Variants in CCNF observed in about 807,000 individuals in gnomAD.
CCNF encodes the protein cyclin F, also known as cyclin-F.
In CCNF, 30 loss-of-function variants were observed where a neutral mutation model predicts 85.4. That is an observed-to-expected ratio of 0.35 (90% CI 0.26 to 0.48). The LOEUF is 0.48. CCNF is among the 20% of genes least tolerant of loss of function. The pLI is 0.99. For synonymous variants in CCNF, 439 were observed against 425.1 expected, an observed-to-expected ratio of 1.03 and a Z score of -0.40; for missense variants, 919 against 1,010.4, an observed-to-expected ratio of 0.91 and a Z score of 1.23.
At chr16:2,445,733 T>TTTTC in intron 10 of CCNF, 111 bp downstream of exon 10, 1 of 1,071,956 alleles carries the variant, frequency 9.3e-7, no homozygotes, top group Non-Finnish European at 1.3e-6. Context: ...TGTGTTGTTT[T>TTTTC]TTTTTTTTTC....
rs1297699741 is a variant in CCNF, at chr16:2,447,577, C to CT, written c.1095-1277dup. 2.6e-5 allele frequency among the ~76,000 whole-genome samples: 4 copies of CT among 152,060 alleles called. No individual in the cohort carries two copies. In the South Asian group the frequency reaches 6.2e-4, roughly 24 times the overall value. On this transcript the variant is annotated intron_variant, in intron 10 of 16. Transcript: ENST00000397066. ...GCAGCCTGGGCAATGGCGCAAGACT[C>CT]TGTCTCAAAAAAATACAAACAAAAT...
At chr16:2,431,359 C>A in intron 2 of CCNF, 75 bp downstream of exon 2, 1 of 1,492,640 alleles carries the variant, frequency 6.7e-7, no homozygotes, top group South Asian at 1.2e-5. Flanking sequence ...TCTTAACTGT[C>A]AGAACAAAAC....
chr16:2,441,596 C>T (rs1041297488), intron 8 of CCNF, among the ~76,000 whole-genome samples: 9 of 151,922 alleles, frequency 5.9e-5, no homozygotes, highest in Non-Finnish European at 1.0e-4. Flanking sequence ...CACAGTGGTG[C>T]GATCTCAGCT....
rs753555251 is a variant in CCNF at position 2,438,027 on chromosome 16, T to C, written c.541-43T>C. 11 of 1,453,248 alleles carry C rather than the reference T, an allele frequency of 7.6e-6. No homozygotes were observed. The South Asian group carries it at 1.1e-4, about 15-fold the overall frequency. The allele number at this position is 1,453,248 out of a possible 1,614,324, so 90.0% of individuals were successfully genotyped here. A position where few individuals can be genotyped will look rare whatever the true frequency, so the allele number is the denominator to read the frequency against. The stretch of plus-strand genomic sequence containing the variant: ...CAAGGGAGTGGTGGCCCCCGGGCAG[T>C]TCTCTGTGCTGGAAATCACACTTCT... On this transcript the variant is annotated intron_variant, in intron 5 of 16. Coordinates refer to ENST00000397066, the MANE Select transcript of CCNF (RefSeq NM_001761.3).
At chr16:2,438,800 C>T (rs2065305612) in intron 6 of CCNF, among the ~76,000 whole-genome samples, 1 of 151,044 alleles carries the variant, frequency 6.6e-6, no homozygotes. Flanking sequence ...AGTTTGAGAC[C>T]AACCTGGCCA....
At chr16:2,450,974 AC>A (rs2065391766) in intron 13 of CCNF, among the ~76,000 whole-genome samples, 1 of 151,556 alleles carries the variant, frequency 6.6e-6, no homozygotes, top group African/African-American at 2.4e-5. Flanking sequence ...CCCGGATGTG[AC>A]CCCCTGTCTG....
Position 2,453,585 on chromosome 16 carries a change from G to C in CCNF, c.1715+48G>C. On this transcript the variant is annotated intron_variant, in intron 15 of 16. Transcript: ENST00000397066. The surrounding 1 kb of genome is among the most constrained non-coding windows in gnomAD (Gnocchi z 5.6). ...TGCGCCATACAATGCTGGCATCCTCGTGCCGGCCCAGTTCCCTCAGCGCTT... is the reference window on the plus strand; with the variant it reads ...TGCGCCATACAATGCTGGCATCCTCCTGCCGGCCCAGTTCCCTCAGCGCTT... 1 of 1,610,014 alleles carries C rather than the reference G, an allele frequency of 6.2e-7. No individual in the cohort carries two copies. The highest frequency in any genetic ancestry group is 1.1e-5 in the South Asian group (1 of 90,984).
intron 10 of CCNF, 149 bp from the exon 11 acceptor site, chr16:2,448,706 T>G (rs2065375162): frequency 1.4e-6 from 1 of 704,246 alleles, no homozygotes; most frequent in Non-Finnish European, 2.4e-6. Flanking sequence ...CACAGGCAGC[T>G]GGCTCCATTA....
intron 6 of CCNF, among the ~76,000 whole-genome samples, 194 bp from the exon 7 acceptor site, chr16:2,439,159 A>G (rs1446663145): frequency 6.7e-6 from 1 of 149,548 alleles, no homozygotes; most frequent in Admixed American, 6.6e-5. Flanking sequence ...TTAGCCGGGC[A>G]TGATGGTGGG....
At position 2,452,570 on chromosome 16, in the gene CCNF, TC is replaced by T. The variant is rs1340544652; in HGVS notation, c.1488-638del. On this transcript the variant is annotated intron_variant, in intron 13 of 16. Transcript: ENST00000397066. This position sits in a 1 kb window ranked among gnomAD's most constrained non-coding sequence, Gnocchi z 4.1. Reference sequence around the variant, plus strand: ...AGAAACGTTATTTAGAAACTACACTTCCTTTGATTGTGTGATTTAACGGGCT... The same window carrying T: ...AGAAACGTTATTTAGAAACTACACTTCTTTGATTGTGTGATTTAACGGGCT... The T allele has an allele frequency of 6.6e-6, 1 of 152,398 alleles. No individual in the cohort carries two copies. The highest frequency in any genetic ancestry group is 1.5e-5 in the Non-Finnish European group (1 of 68,190). 9.4% of individuals were successfully genotyped at this position (152,398 alleles called of 1,614,324 possible).
chr16:2,429,625 C>T, intron 1 of CCNF, 128 bp downstream of exon 1: 1 of 971,510 alleles, frequency 1.0e-6, no homozygotes, highest in Non-Finnish European at 1.3e-6. Context: ...AGCTCTTTAA[C>T]CCGGGGCGGA....
In CCNF at chr16:2,435,613, GCA is replaced by G. The variant is rs1262021362; in HGVS notation, c.279-178_279-177del. Among the ~76,000 whole-genome samples the G allele has an allele frequency of 1.1e-4, 11 of 97,814 alleles. 2 individuals carry two copies. The highest frequency in any genetic ancestry group is 8.4e-4 in the East Asian group (3 of 3,592). The allele number at this position is 97,814 out of a possible 152,430, so 64.2% of individuals were successfully genotyped here. A position where few individuals can be genotyped will look rare whatever the true frequency, so the allele number is the denominator to read the frequency against. ...GAGAGAGAGATATATATATATATAT[GCA>G]CACACACACACACATATATATGCAC... On this transcript the variant is annotated intron_variant, in intron 3 of 16. Transcript: ENST00000397066.
At chr16:2,454,433 G>A (rs1313000087) in intron 15 of CCNF, among the ~76,000 whole-genome samples, 4 of 152,186 alleles carry the variant, frequency 2.6e-5, no homozygotes, top group East Asian at 1.9e-4. Flanking sequence ...CCAGGAGGGG[G>A]CCTGGCCCTG....
chr16:2,436,082 C>T (rs561786174), intron 4 of CCNF: 27 of 456,428 alleles, frequency 5.9e-5, no homozygotes, highest in East Asian at 6.9e-5. Flanking sequence ...TTACGAAAGT[C>T]GCCTCTTGTT....
At chr16:2,436,998 C>T in intron 4 of CCNF, 131 bp from the exon 5 acceptor site, 1 of 601,244 alleles carries the variant, frequency 1.7e-6, no homozygotes, top group Non-Finnish European at 2.5e-6. Context: ...GAGGGCTCTA[C>T]TCTCCTGAAA....
At chr16:2,433,577 TTTTTTGTTTTCG>T (rs968457999) in intron 3 of CCNF, among the ~76,000 whole-genome samples, 46 of 152,096 alleles carry the variant, frequency 3.0e-4, no homozygotes, top group African/African-American at 1.0e-3. Flanking sequence ...TTGTTTTTTG[TTTTTTGTTTTCG>T]TTTTTGTTTT....
At position 2,448,987 on chromosome 16, in the gene CCNF, C is replaced by A. The variant is rs768162382; in HGVS notation, c.1218+9C>A. On this transcript the variant is annotated intron_variant, in intron 11 of 16. Coordinates refer to ENST00000397066, the MANE Select transcript of CCNF (RefSeq NM_001761.3). The stretch of plus-strand genomic sequence containing the variant: ...TGGAAGGGAAGATTCGAGTAAGCAG[C>A]GGTTCCATTTTCCTTATTAATCTTC... The A allele has an allele frequency of 8.7e-6, 14 of 1,606,796 alleles. No homozygotes were observed. Among genetic ancestry groups the A allele is most frequent in the Non-Finnish European group, 1.1e-5 (13 of 1,174,056 alleles).
chr16:2,455,636 A>T, intron 16 of CCNF, 72 bp downstream of exon 16: 2 of 1,500,424 alleles, frequency 1.3e-6, no homozygotes, highest in Non-Finnish European at 1.8e-6. Context: ...GCCTCTGGGC[A>T]CCCGGCCCTG....
intron 3 of CCNF, among the ~76,000 whole-genome samples, chr16:2,433,451 C>A (rs1238402303): frequency 6.6e-6 from 1 of 152,216 alleles, no homozygotes; most frequent in Non-Finnish European, 1.5e-5. Flanking sequence ...GATCCCACCC[C>A]AACCTGCACC....
Sources: gnomAD v4.1 joint callset for allele counts (sites outside exome capture counted in the v4.1 genomes callset) on GRCh38, gnomAD v4.1.1 for gene constraint, Gnocchi (gnomAD v3.1) non-coding constraint, MANE v1.5 for transcripts, NCBI Gene and HGNC (gene_info 2026-07-23, HGNC 2026-07-21) for gene names.